The following CSMD1 variants were observed in gnomAD, a reference collection of about 807,000 sequenced individuals.
CSMD1 encodes the protein CUB and sushi domain-containing protein 1.
Under a neutral mutation model 417.5 loss-of-function variants are expected in CSMD1, and 213 were observed. The ratio of observed to expected loss-of-function variants is 0.51; its 90% CI spans 0.46 to 0.57. CSMD1 has a LOEUF of 0.57. Among genes scored for constraint, CSMD1 ranks in the 20% least tolerant of loss-of-function variants. The pLI is 0.00. For synonymous variants in CSMD1, 2,862 were observed against 1,736.8 expected (o/e 1.65, Z -16.11); for missense variants, 6,923 against 4,529.7 (o/e 1.53, Z -15.17).
chr8:3,460,691 A>G (rs1290806877), intron 12 of CSMD1, among the ~76,000 whole-genome samples: 4 of 152,240 alleles, frequency 2.6e-5, no homozygotes, highest in African/African-American at 9.6e-5. Context: ...GAACAGGATC[A>G]TAAACCACCA....
At position 3,632,046 on chromosome 8, in the gene CSMD1, A is replaced by G. The variant is rs181145067; in HGVS notation, c.1010-15249T>C. Among the ~76,000 whole-genome samples, 13 of 152,374 alleles carry G rather than the reference A, an allele frequency of 8.5e-5. 1 individual carries two copies. Among genetic ancestry groups the G allele is most frequent in the Admixed American group, 7.2e-4 (11 of 15,308 alleles). ...TCATCATTCAATCAGCATTATTTAC[A>G]TAAGAAAGTAATTGTTTTTTTCTCT... On this transcript the variant is annotated intron_variant, in intron 7 of 69. Coordinates refer to ENST00000635120, the MANE Select transcript of CSMD1 (RefSeq NM_033225.6).
chr8:4,509,053 G>T (rs183882863), intron 2 of CSMD1, among the ~76,000 whole-genome samples: 36 of 152,124 alleles, frequency 2.4e-4, no homozygotes, highest in Admixed American at 8.5e-4. Flanking sequence ...AAGTGTGAGT[G>T]CAAAGATGAT....
intron 21 of CSMD1, among the ~76,000 whole-genome samples, chr8:3,354,893 ATCTATAGATC>A (rs1808662972): frequency 1.3e-5 from 2 of 150,202 alleles, no homozygotes; most frequent in Non-Finnish European, 3.0e-5. Context: ...AGATATGTCT[ATCTATAGATC>A]TATCTATAGA....
intron 10 of CSMD1, among the ~76,000 whole-genome samples, chr8:3,513,742 A>C (rs115715116): frequency 2.7e-3 from 417 of 152,332 alleles, no homozygotes; most frequent in African/African-American, 9.2e-3. Flanking sequence ...TAGTTACCAT[A>C]ATAGGTCAGC....
At chr8:4,751,738 G>C (rs1305418278) in intron 1 of CSMD1, among the ~76,000 whole-genome samples, 1 of 152,162 alleles carries the variant, frequency 6.6e-6, no homozygotes, top group South Asian at 2.1e-4. Context: ...GTCTGCTGTG[G>C]AGTTAGGAGC....
At chr8:2,991,477 T>C (rs1345272451) in intron 54 of CSMD1, among the ~76,000 whole-genome samples, 1 of 152,230 alleles carries the variant, frequency 6.6e-6, no homozygotes, top group African/African-American at 2.4e-5. Context: ...AGGCCAGATA[T>C]GGCCTTATCC....
intron 3 of CSMD1, among the ~76,000 whole-genome samples, chr8:4,212,348 C>A (rs1174872194): frequency 6.6e-6 from 1 of 151,942 alleles, no homozygotes; most frequent in African/African-American, 2.4e-5. Context: ...AAGAAAATCC[C>A]ACCAATTAAA....
intron 12 of CSMD1, among the ~76,000 whole-genome samples, chr8:3,451,959 T>C (rs1194665681): frequency 6.6e-6 from 1 of 151,664 alleles, no homozygotes; most frequent in Non-Finnish European, 1.5e-5. Context: ...CATGGAATGT[T>C]CTTCCATTTG....
At chr8:3,149,309 A>G (rs1205415868) in intron 40 of CSMD1, among the ~76,000 whole-genome samples, 1 of 152,244 alleles carries the variant, frequency 6.6e-6, no homozygotes, top group Non-Finnish European at 1.5e-5. Flanking sequence ...TATTTTATTC[A>G]TAAATACAAT....
intron 5 of CSMD1, among the ~76,000 whole-genome samples, chr8:3,893,613 C>G (rs1345134127): frequency 6.6e-6 from 1 of 151,910 alleles, no homozygotes; most frequent in Non-Finnish European, 1.5e-5. Flanking sequence ...CCATTAGAAT[C>G]TACTTACTGT....
intron 2 of CSMD1, among the ~76,000 whole-genome samples, chr8:4,579,607 C>T (rs1799319673): frequency 6.6e-6 from 1 of 152,074 alleles, no homozygotes; most frequent in South Asian, 2.1e-4. Flanking sequence ...CATGATCCAC[C>T]AACCTTGGCC....
chr8:4,682,065 C>G (rs1387445819), intron 1 of CSMD1, among the ~76,000 whole-genome samples: 1 of 152,190 alleles, frequency 6.6e-6, no homozygotes, highest in Non-Finnish European at 1.5e-5. Context: ...GTCACCCAGG[C>G]TGAAGTGCTG....
intron 26 of CSMD1, among the ~76,000 whole-genome samples, chr8:3,236,188 G>C (rs1799144481): frequency 6.6e-6 from 1 of 151,940 alleles, no homozygotes; most frequent in African/African-American, 2.4e-5. Flanking sequence ...AAAGTGCTGG[G>C]AATACAGGTG....
At chr8:3,188,064 GTATATATATATACATATGTATATGTA>G (rs1284244957) in intron 35 of CSMD1, 99 bp from the exon 36 acceptor site, 18 of 512,258 alleles carry the variant, frequency 3.5e-5, no homozygotes, top group African/African-American at 3.5e-4. Context: ...AGGTGTATAT[GTATATATATATACATATGTATATGTA>G]TATATATATA....
intron 2 of CSMD1, among the ~76,000 whole-genome samples, chr8:4,633,214 G>T (rs778227908): frequency 6.6e-6 from 1 of 151,910 alleles, no homozygotes; most frequent in Non-Finnish European, 1.5e-5. Context: ...AACAGGCTGT[G>T]GTTAATGGAA....
At chr8:4,575,694 T>G (rs1334623937) in intron 2 of CSMD1, among the ~76,000 whole-genome samples, 1 of 152,226 alleles carries the variant, frequency 6.6e-6, no homozygotes, top group Non-Finnish European at 1.5e-5. Flanking sequence ...ATTTTGAAGA[T>G]TTAAAATATG....
chr8:4,909,283 G>A (rs193147028), intron 1 of CSMD1, among the ~76,000 whole-genome samples: 4 of 151,764 alleles, frequency 2.6e-5, no homozygotes, highest in Non-Finnish European at 5.9e-5. Context: ...CTGTGTTTCA[G>A]GGCTATGACT....
intron 1 of CSMD1, among the ~76,000 whole-genome samples, chr8:4,838,487 A>C (rs1800634592): frequency 6.6e-6 from 1 of 152,226 alleles, no homozygotes; most frequent in Admixed American, 6.5e-5. Flanking sequence ...CTTCAAACAA[A>C]TGTGATTCTG....
At chr8:4,375,529 C>T (rs1021375616) in intron 3 of CSMD1, among the ~76,000 whole-genome samples, 1 of 151,816 alleles carries the variant, frequency 6.6e-6, no homozygotes, top group Non-Finnish European at 1.5e-5. Context: ...TTTTTTTTTC[C>T]TCCTTAACAT....
Sources: allele counts gnomAD v4.1 joint callset (sites outside exome capture counted in the v4.1 genomes callset), GRCh38; gene constraint gnomAD v4.1.1; transcripts MANE v1.5; gene names NCBI Gene and HGNC (gene_info 2026-07-23, HGNC 2026-07-21).